Variants in ACTR3B observed in about 807,000 individuals in gnomAD.
ACTR3B encodes actin-related protein 3B.
A neutral mutation model predicts 59.0 loss-of-function variants in ACTR3B; 8 were observed. That is an observed-to-expected ratio of 0.14 (90% CI 0.08 to 0.24). The LOEUF (loss-of-function observed/expected upper bound fraction) is 0.24, where lower values mean the gene tolerates loss of function less well. ACTR3B is among the 10% of genes least tolerant of loss of function. The probability of loss-of-function intolerance (pLI) is 1.00; values close to 1 mark genes in which losing one functional copy is unlikely to be tolerated. For synonymous variants in ACTR3B, 148 were observed against 197.9 expected, an observed-to-expected ratio of 0.75 and a Z score of 2.12; for missense variants, 245 against 552.3, an observed-to-expected ratio of 0.44 and a Z score of 5.58.
At chr7:152,765,667 A>G (rs1439242468) in intron 1 of ACTR3B, among the ~76,000 whole-genome samples, 4 of 151,728 alleles carry the variant, frequency 2.6e-5, no homozygotes, top group African/African-American at 9.7e-5. Flanking sequence ...TTTTGTCCCT[A>G]CCTTGAGATG....
chr7:152,852,101 G>C, intron 9 of ACTR3B, 25 bp from the exon 10 acceptor site: 1 of 1,613,778 alleles, frequency 6.2e-7, no homozygotes, highest in Admixed American at 1.7e-5. Flanking sequence ...TTTACCCAGG[G>C]CTCCCTCTGC....
chr7:152,798,339 G>A (rs1261383514), intron 2 of ACTR3B, among the ~76,000 whole-genome samples: 2 of 152,032 alleles, frequency 1.3e-5, no homozygotes, highest in African/African-American at 4.8e-5. Flanking sequence ...GTCTTCTTTT[G>A]AGAAATGTCC....
At chr7:152,802,654 C>G (rs2098240255) in intron 4 of ACTR3B, among the ~76,000 whole-genome samples, 1 of 150,696 alleles carries the variant, frequency 6.6e-6, no homozygotes, top group South Asian at 2.1e-4. Flanking sequence ...GTACAGAATG[C>G]TTGCTTTATA....
At chr7:152,777,036 A>G (rs1294979279) in intron 1 of ACTR3B, among the ~76,000 whole-genome samples, 1 of 152,074 alleles carries the variant, frequency 6.6e-6, no homozygotes, top group East Asian at 1.9e-4. Flanking sequence ...GTGTGTGTAT[A>G]TCTTTGCATA....
chr7:152,831,992 A>C (rs1258455416), intron 9 of ACTR3B, among the ~76,000 whole-genome samples: 2 of 152,172 alleles, frequency 1.3e-5, no homozygotes, highest in Non-Finnish European at 2.9e-5. Context: ...GTTCTAGAAA[A>C]GTGCTTGGGC....
chr7:152,798,954 T>G (rs1324582051), intron 2 of ACTR3B, among the ~76,000 whole-genome samples: 2 of 152,222 alleles, frequency 1.3e-5, no homozygotes, highest in African/African-American at 4.8e-5. Flanking sequence ...TCTTTTTGCT[T>G]AAGATTCCCT....
chr7:152,771,219 T>G (rs540616289), intron 1 of ACTR3B, among the ~76,000 whole-genome samples: 1 of 152,282 alleles, frequency 6.6e-6, no homozygotes, highest in Admixed American at 6.5e-5. Context: ...CCTCCCAAAG[T>G]GCTGGGATTA....
At chr7:152,784,516 A>G (rs906256873) in intron 2 of ACTR3B, among the ~76,000 whole-genome samples, 20 of 152,114 alleles carry the variant, frequency 1.3e-4, no homozygotes. Flanking sequence ...TGCTGCCATG[A>G]ATGGGTTATC....
intron 2 of ACTR3B, among the ~76,000 whole-genome samples, chr7:152,787,480 A>G (rs1426970262): frequency 2.6e-5 from 4 of 151,730 alleles, no homozygotes; most frequent in Non-Finnish European, 5.9e-5. Context: ...TTTTTCTTTT[A>G]TAATTTGTTT....
Position 152,852,167 on chromosome 7 carries a change from C to T in ACTR3B, c.993C>T (p.Phe331=), listed in dbSNP as rs772764869. ...LSGGSTMFRD[F]GRRLQRDLKR... ...GAGGCTCCACCATGTTCAGGGATTT[C>T]GGACGCCGACTGCAGAGGGATTTGA... The change falls in exon 10 of 12, where the codon TTC becomes TTT. Residue 331 remains phenylalanine (F), a synonymous_variant. Transcript: ENST00000256001. 1.5e-5 allele frequency: 25 copies of T among 1,613,870 alleles called. No individual in the cohort carries two copies. Among genetic ancestry groups the T allele is most frequent in the Admixed American group, 5.0e-5 (3 of 59,982 alleles).
At chr7:152,818,966 G>A (rs1218920470) in intron 6 of ACTR3B, among the ~76,000 whole-genome samples, 1 of 152,072 alleles carries the variant, frequency 6.6e-6, no homozygotes, top group Admixed American at 6.5e-5. Flanking sequence ...TCTGTTGTTG[G>A]ACATGTATCT....
intron 4 of ACTR3B, among the ~76,000 whole-genome samples, chr7:152,808,536 A>G (rs2098259496): frequency 1.3e-5 from 2 of 152,050 alleles, no homozygotes; most frequent in African/African-American, 2.4e-5. Flanking sequence ...CTTGTTGGTG[A>G]TGTCTTCCTA....
chr7:152,797,326 C>T (rs1006873058), intron 2 of ACTR3B, among the ~76,000 whole-genome samples: 1 of 152,136 alleles, frequency 6.6e-6, no homozygotes, highest in African/African-American at 2.4e-5. Flanking sequence ...AGCTATCCTC[C>T]TGCCTTAGCC....
intron 9 of ACTR3B, among the ~76,000 whole-genome samples, chr7:152,845,892 TTTTA>T (rs576164973): frequency 1.3e-5 from 2 of 152,256 alleles, no homozygotes; most frequent in African/African-American, 4.8e-5. Context: ...ATGATTTTTG[TTTTA>T]TTTATTTATT....
chr7:152,777,509 T>G (rs1416263629), intron 1 of ACTR3B, among the ~76,000 whole-genome samples: 1 of 152,068 alleles, frequency 6.6e-6, no homozygotes, highest in Non-Finnish European at 1.5e-5. Context: ...GAGTGGGATG[T>G]TTTCATCCAT....
chr7:152,790,155 G>A (rs2098190629), intron 2 of ACTR3B, among the ~76,000 whole-genome samples: 1 of 151,926 alleles, frequency 6.6e-6, no homozygotes, highest in African/African-American at 2.4e-5. Flanking sequence ...ATCATGTCTG[G>A]CTAATTTTTA....
chr7:152,773,361 G>A (rs1216233145), intron 1 of ACTR3B, among the ~76,000 whole-genome samples: 1 of 152,170 alleles, frequency 6.6e-6, no homozygotes, highest in Non-Finnish European at 1.5e-5. Flanking sequence ...GCCGAGGTGG[G>A]TGGATCACTT....
chr7:152,784,622 C>T (rs1376893672), intron 2 of ACTR3B, among the ~76,000 whole-genome samples: 1 of 152,102 alleles, frequency 6.6e-6, no homozygotes, highest in Non-Finnish European at 1.5e-5. Flanking sequence ...ATACTAAAGA[C>T]TGGGGAAATT....
chr7:152,853,447 C>T (rs1221780953), intron 10 of ACTR3B, 47 bp from the exon 11 acceptor site: 2 of 1,567,892 alleles, frequency 1.3e-6, no homozygotes, highest in Non-Finnish European at 1.8e-6. Context: ...GATTAGATCA[C>T]ATGTGTCTGT....
Sources: allele counts gnomAD v4.1 joint callset (sites outside exome capture counted in the v4.1 genomes callset), GRCh38; gene constraint gnomAD v4.1.1; transcripts MANE v1.5; gene names NCBI Gene and HGNC (gene_info 2026-07-23, HGNC 2026-07-21).